The following SOX6 variants were observed in gnomAD, a reference collection of about 807,000 sequenced individuals.
SOX6 encodes the protein SRY-box transcription factor 6.
SOX6 carries 11 observed loss-of-function variants against 97.8 expected under a neutral mutation model. The ratio of observed to expected loss-of-function variants is 0.11; its 90% CI spans 0.07 to 0.19. The LOEUF is 0.19. SOX6 is among the 10% of genes least tolerant of loss of function. SOX6 has a pLI of 1.00. For missense variants in SOX6, 810 were observed against 1,039.5 expected (o/e 0.78, Z 3.04); for synonymous variants, 360 against 371.4 (o/e 0.97, Z 0.35).
At chr11:16,678,655 C>A (rs987140091) in intron 3 of SOX6, among the ~76,000 whole-genome samples, 4 of 152,162 alleles carry the variant, frequency 2.6e-5, no homozygotes, top group Non-Finnish European at 5.9e-5. Context: ...GACATTGCCT[C>A]ATCTAGGAAG....
At chr11:16,238,453 C>T (rs964126639) in intron 3 of SOX6, among the ~76,000 whole-genome samples, 6 of 151,860 alleles carry the variant, frequency 4.0e-5, no homozygotes, top group African/African-American at 1.5e-4. Flanking sequence ...AATGTTTTCG[C>T]TAATTAACTT....
intron 6 of SOX6, among the ~76,000 whole-genome samples, chr11:16,133,878 G>T (rs900071413): frequency 6.6e-6 from 1 of 152,040 alleles, no homozygotes; most frequent in Middle Eastern, 3.2e-3. Flanking sequence ...GTAGAGACAG[G>T]GTTTCACCAT....
At chr11:16,519,277 A>T (rs1861019552) in intron 4 of SOX6, among the ~76,000 whole-genome samples, 1 of 152,028 alleles carries the variant, frequency 6.6e-6, no homozygotes, top group Non-Finnish European at 1.5e-5. Context: ...GACGTTTGGG[A>T]TCCTGTTGAC....
chr11:16,496,494 C>T (rs1163384264), intron 4 of SOX6, among the ~76,000 whole-genome samples: 5 of 152,106 alleles, frequency 3.3e-5, no homozygotes, highest in African/African-American at 7.2e-5. Context: ...TGCAATGCAC[C>T]GAGCATGAGC....
rs559842248 is a variant in SOX6 at position 16,390,111 on chromosome 11, T to C, written c.-4-48859A>G. 3.3e-5 allele frequency among the ~76,000 whole-genome samples: 5 copies of C among 152,088 alleles called. No individual in the cohort carries two copies. In the South Asian group the frequency reaches 1.0e-3, roughly 32 times the overall value. ...CTTGGGCTACTTGAGATCAATCCTG[T>C]TCGTGGATGGTTTGGGGATCAGTCA... On this transcript the variant is annotated intron_variant, in intron 1 of 15. Transcript: ENST00000396356.
At chr11:16,181,916 A>G (rs1222459974) in intron 6 of SOX6, among the ~76,000 whole-genome samples, 1 of 151,820 alleles carries the variant, frequency 6.6e-6, no homozygotes. Flanking sequence ...AAAAAATTAA[A>G]CAACAAGAAA....
At chr11:16,267,751 C>T (rs1854123946) in intron 3 of SOX6, among the ~76,000 whole-genome samples, 1 of 151,510 alleles carries the variant, frequency 6.6e-6, no homozygotes, top group African/African-American at 2.4e-5. Flanking sequence ...TGCCTATGTT[C>T]ACTGCAGCAC....
intron 15 of SOX6, among the ~76,000 whole-genome samples, chr11:15,975,365 T>C (rs1853444241): frequency 1.3e-5 from 2 of 152,218 alleles, no homozygotes; most frequent in South Asian, 4.1e-4. Flanking sequence ...TGTTTTTGCC[T>C]TAATCACATT....
At chr11:16,274,497 T>C (rs889775114) in intron 3 of SOX6, among the ~76,000 whole-genome samples, 2 of 152,288 alleles carry the variant, frequency 1.3e-5, no homozygotes, top group Middle Eastern at 3.4e-3. Flanking sequence ...CATTTCTGTA[T>C]TGATTCTTTC....
intron 4 of SOX6, among the ~76,000 whole-genome samples, chr11:16,608,100 GGA>G (rs1848356885): frequency 6.6e-6 from 1 of 152,016 alleles, no homozygotes; most frequent in Admixed American, 6.6e-5. Context: ...ACTAGGTGGG[GGA>G]GAGGCAGGCT....
intron 6 of SOX6, among the ~76,000 whole-genome samples, chr11:16,119,899 C>A (rs929421219): frequency 5.9e-5 from 9 of 152,088 alleles, no homozygotes; most frequent in Admixed American, 4.6e-4. Context: ...GCTAGCCCAA[C>A]AGGAGAATAC....
At chr11:16,660,829 T>C (rs1251297217) in intron 3 of SOX6, among the ~76,000 whole-genome samples, 2 of 152,210 alleles carry the variant, frequency 1.3e-5, no homozygotes, top group East Asian at 1.9e-4. Flanking sequence ...ATGCCAAATA[T>C]GCTAGTGCCT....
intron 4 of SOX6, among the ~76,000 whole-genome samples, chr11:16,510,003 C>T (rs941707956): frequency 7.9e-5 from 12 of 151,972 alleles, no homozygotes; most frequent in Admixed American, 1.3e-4. Flanking sequence ...TTCAGTTAAT[C>T]TTATATCTGT....
At chr11:16,012,377 G>A (rs745307618) in intron 13 of SOX6, among the ~76,000 whole-genome samples, 5 of 151,874 alleles carry the variant, frequency 3.3e-5, no homozygotes, top group South Asian at 4.1e-4. Flanking sequence ...ACTGCACTTC[G>A]GTCGGTATTA....
At chr11:16,238,545 T>G (rs1853093429) in intron 3 of SOX6, among the ~76,000 whole-genome samples, 1 of 152,096 alleles carries the variant, frequency 6.6e-6, no homozygotes, top group African/African-American at 2.4e-5. Flanking sequence ...GGTGATATTT[T>G]GGGAACAATT....
chr11:16,398,618 T>G (rs1858436247), intron 1 of SOX6, among the ~76,000 whole-genome samples: 1 of 151,502 alleles, frequency 6.6e-6, no homozygotes, highest in African/African-American at 2.4e-5. Context: ...TGGGTCTTAT[T>G]GAGGTCTAGC....
At chr11:16,423,321 G>T (rs1859056874) in intron 1 of SOX6, among the ~76,000 whole-genome samples, 1 of 152,084 alleles carries the variant, frequency 6.6e-6, no homozygotes, top group Admixed American at 6.5e-5. Flanking sequence ...TATCAGAGAA[G>T]CCTTCTCTGA....
intron 3 of SOX6, among the ~76,000 whole-genome samples, chr11:16,272,988 G>C (rs939397724): frequency 6.6e-6 from 1 of 151,840 alleles, no homozygotes; most frequent in African/African-American, 2.4e-5. Flanking sequence ...AATGTTACCT[G>C]AAAATGTTAG....
chr11:16,683,139 C>T (rs1439317420), intron 3 of SOX6, among the ~76,000 whole-genome samples: 2 of 152,114 alleles, frequency 1.3e-5, no homozygotes, highest in African/African-American at 2.4e-5. Context: ...GAATCAATAT[C>T]GTGAAAATGG....
Sources: gnomAD v4.1 joint callset for allele counts (sites outside exome capture counted in the v4.1 genomes callset) on GRCh38, gnomAD v4.1.1 for gene constraint, MANE v1.5 for transcripts, NCBI Gene and HGNC (gene_info 2026-07-23, HGNC 2026-07-21) for gene names.